The following GRIP1 variants were observed in gnomAD, a reference collection of about 807,000 sequenced individuals.
The protein encoded by GRIP1 is glutamate receptor interacting protein 1.
Under a neutral mutation model 129.9 loss-of-function variants are expected in GRIP1, and 45 were observed. That is an observed-to-expected ratio of 0.35 (90% confidence interval 0.27 to 0.44). GRIP1 has a LOEUF of 0.44. GRIP1 is among the 20% of genes least tolerant of loss of function. The pLI is 1.00. For missense variants in GRIP1, 1,196 were observed against 1,396.8 expected (o/e 0.86, Z 2.29); for synonymous variants, 530 against 520.8 (o/e 1.02, Z -0.24).
At chr12:66,658,641 C>A (rs2136182033) in intron 1 of GRIP1, among the ~76,000 whole-genome samples, 1 of 151,852 alleles carries the variant, frequency 6.6e-6, no homozygotes, top group East Asian at 1.9e-4. Context: ...AGGCATGGTG[C>A]CTCATGCCTG....
In GRIP1 at chr12:66,371,902, A is replaced by T; in HGVS notation, c.2804T>A (p.Met935Lys). 1 of 1,611,880 alleles carries T rather than the reference A, an allele frequency of 6.2e-7. No homozygotes were observed. The highest frequency in any genetic ancestry group is 8.5e-7 in the Non-Finnish European group (1 of 1,179,432). ...TGTTGGAGCCTCATGATTCAAACTC[A>T]TCGTGCTCCCCGACATGATTGTTGC... ...LLATIMSGST[M>K]SLNHEAPTPR... is the part of the protein sequence containing the mutation. Residue 935 changes from methionine to lysine, a missense_variant, in exon 23 of 25, where the codon ATG (methionine) becomes AAG (lysine). By Grantham distance (95) the Met-to-Lys change is moderately conservative (BLOSUM62 -1). This residue lies in a region of GRIP1 where 427 missense variants were observed against 463.3 expected (regional missense o/e 0.92). Coordinates refer to ENST00000359742, the MANE Select transcript of GRIP1 (RefSeq NM_001366722.1).
intron 1 of GRIP1, among the ~76,000 whole-genome samples, chr12:66,653,800 C>T (rs906226600): frequency 6.6e-6 from 1 of 152,130 alleles, no homozygotes; most frequent in Admixed American, 6.5e-5. Context: ...CATATCTATA[C>T]TCAAAAACAA....
At chr12:66,558,212 T>C (rs185305485) in intron 2 of GRIP1, among the ~76,000 whole-genome samples, 1 of 152,184 alleles carries the variant, frequency 6.6e-6, no homozygotes, top group Non-Finnish European at 1.5e-5. Flanking sequence ...GACTGGGTAA[T>C]TTATAAAGGA....
intron 7 of GRIP1, among the ~76,000 whole-genome samples, chr12:66,484,110 C>T (rs2059887953): frequency 6.6e-6 from 1 of 152,070 alleles, no homozygotes; most frequent in Non-Finnish European, 1.5e-5. Context: ...CCGCCCGCCT[C>T]GGCCTCCCAA....
At chr12:67,039,018 A>AACAC (rs10562551) in intron 1 of GRIP1, among the ~76,000 whole-genome samples, 216 of 149,038 alleles carry the variant, frequency 1.4e-3, no homozygotes, top group East Asian at 4.6e-3. Flanking sequence ...ACAAATAATA[A>AACAC]ACACACACAC....
chr12:66,459,280 G>A (rs2059063832), intron 9 of GRIP1, among the ~76,000 whole-genome samples: 1 of 152,200 alleles, frequency 6.6e-6, no homozygotes, highest in South Asian at 2.1e-4. Flanking sequence ...TGCAGGAGAT[G>A]TCCCTAATGG....
At chr12:66,578,234 T>TTTTTTG (rs896030499) in intron 2 of GRIP1, among the ~76,000 whole-genome samples, 2 of 140,462 alleles carry the variant, frequency 1.4e-5, no homozygotes, top group South Asian at 2.4e-4. Flanking sequence ...AAACCGCGGT[T>TTTTTTG]TTTTTTTTTT....
At chr12:66,801,872 A>G (rs1435427882) in intron 1 of GRIP1, among the ~76,000 whole-genome samples, 1 of 152,154 alleles carries the variant, frequency 6.6e-6, no homozygotes, top group African/African-American at 2.4e-5. Context: ...CTTAATGTAG[A>G]TAGTTTTTCT....
chr12:66,656,122 C>T (rs1052045450), intron 1 of GRIP1, among the ~76,000 whole-genome samples: 2 of 152,124 alleles, frequency 1.3e-5, no homozygotes, highest in Admixed American at 1.3e-4. Flanking sequence ...AGCAATGAGC[C>T]TGTCTCATTA....
intron 1 of GRIP1, among the ~76,000 whole-genome samples, chr12:66,937,824 T>C (rs975664285): frequency 1.3e-5 from 2 of 152,112 alleles, no homozygotes; most frequent in Non-Finnish European, 2.9e-5. Context: ...AATTATCTTA[T>C]TGGTCATAGT....
chr12:66,901,687 T>C (rs1339041889), intron 1 of GRIP1, among the ~76,000 whole-genome samples: 1 of 152,198 alleles, frequency 6.6e-6, no homozygotes, highest in Admixed American at 6.5e-5. Flanking sequence ...AGACTCTACC[T>C]GAGACTTACT....
intron 1 of GRIP1, among the ~76,000 whole-genome samples, chr12:66,813,524 T>C (rs1166696914): frequency 6.6e-6 from 1 of 152,074 alleles, no homozygotes; most frequent in East Asian, 1.9e-4. Flanking sequence ...GGTGATGCAA[T>C]GGAAGTGACT....
At chr12:66,828,133 A>G (rs1269112779) in intron 1 of GRIP1, among the ~76,000 whole-genome samples, 1 of 152,194 alleles carries the variant, frequency 6.6e-6, no homozygotes, top group East Asian at 1.9e-4. Context: ...TGGTGAGGCA[A>G]TTATTTTATC....
chr12:66,802,139 T>C (rs2038876877), intron 1 of GRIP1, among the ~76,000 whole-genome samples: 1 of 152,132 alleles, frequency 6.6e-6, no homozygotes, highest in Non-Finnish European at 1.5e-5. Context: ...TGACTTATCT[T>C]CTTTAAAAGC....
rs554912689 is a variant in GRIP1 at position 66,747,084 on chromosome 12, T to C, written c.-420+56969A>G. ...ATAGAGCATAAATAGATAAGGACAG[T>C]TTTGGATTTAGGATTAGAAATACCA... On this transcript the variant is annotated intron_variant, in intron 1 of 4. Transcript: ENST00000538373. Among the ~76,000 whole-genome samples, 174 of 152,284 alleles carry C rather than the reference T, an allele frequency of 1.1e-3. 2 individuals are homozygous for C. Among genetic ancestry groups the C allele is most frequent in the Middle Eastern group, 3.4e-3 (1 of 294 alleles).
chr12:66,480,232 A>G (rs2059761510), intron 7 of GRIP1, among the ~76,000 whole-genome samples: 2 of 152,210 alleles, frequency 1.3e-5, no homozygotes, highest in Admixed American at 1.3e-4. Context: ...CTTAGGATAC[A>G]AAATCAATGT....
chr12:67,011,974 A>G (rs1224643700), intron 1 of GRIP1, among the ~76,000 whole-genome samples: 2 of 152,202 alleles, frequency 1.3e-5, no homozygotes, highest in Non-Finnish European at 2.9e-5. Flanking sequence ...ACTGAAGGCT[A>G]TAGTCTACAG....
At chr12:66,896,726 G>A (rs902868120) in intron 1 of GRIP1, among the ~76,000 whole-genome samples, 3 of 152,184 alleles carry the variant, frequency 2.0e-5, no homozygotes, top group African/African-American at 7.2e-5. Flanking sequence ...GCAGACTGAA[G>A]AATAAGTCAG....
At position 66,560,234 on chromosome 12, in the gene GRIP1, G is replaced by C. The variant is rs905005337; in HGVS notation, c.137-18284C>G. ...GAAAGTACAATAAGGAAACATCAAGGGCACTCTCCAGGACATTGATTTGGG... is the reference window on the plus strand; with the variant it reads ...GAAAGTACAATAAGGAAACATCAAGCGCACTCTCCAGGACATTGATTTGGG... On this transcript the variant is annotated intron_variant, in intron 2 of 24. Transcript: ENST00000359742. 4.6e-5 allele frequency among the ~76,000 whole-genome samples: 7 copies of C among 151,898 alleles called. No homozygotes were observed. In the East Asian group the frequency reaches 1.3e-3, roughly 29 times the overall value.
Sources: allele counts gnomAD v4.1 joint callset (sites outside exome capture counted in the v4.1 genomes callset), GRCh38; gene constraint gnomAD v4.1.1; regional missense constraint gnomAD v4.1.1; transcripts MANE v1.5; gene names NCBI Gene and HGNC (gene_info 2026-07-23, HGNC 2026-07-21).